FHIT: variants seen among roughly 807,000 people sequenced by gnomAD.
FHIT encodes the protein bis(5'-adenosyl)-triphosphatase.
FHIT carries 19 observed loss-of-function variants against 17.9 expected under a neutral mutation model. The ratio of observed to expected loss-of-function variants is 1.06; its 90% CI spans 0.74 to 1.56. The LOEUF is 1.56. Among genes scored for constraint, FHIT ranks in the 40% most tolerant of loss-of-function variants. The pLI is 0.00. For synonymous variants in FHIT, 81 were observed against 69.7 expected (o/e 1.16, Z -0.81); for missense variants, 248 against 189.2 (o/e 1.31, Z -1.82).
chr3:61,015,235 G>C (rs926401601), intron 3 of FHIT, among the ~76,000 whole-genome samples: 1 of 151,762 alleles, frequency 6.6e-6, no homozygotes, highest in African/African-American at 2.4e-5. Context: ...GACTACTCGG[G>C]AAAAAAAATT....
intron 1 of FHIT, among the ~76,000 whole-genome samples, chr3:61,235,409 G>A (rs928784103): frequency 3.3e-5 from 5 of 151,918 alleles, no homozygotes; most frequent in African/African-American, 4.8e-5. Flanking sequence ...TTCAGTGCCT[G>A]GCCATAGTAA....
chr3:60,608,011 A>G (rs573617574), intron 4 of FHIT, among the ~76,000 whole-genome samples: 1 of 152,198 alleles, frequency 6.6e-6, no homozygotes, highest in South Asian at 2.1e-4. Flanking sequence ...TCTCTCAATG[A>G]GTGAGGATTA....
chr3:60,152,646 A>G (rs1397992437), intron 5 of FHIT, among the ~76,000 whole-genome samples: 1 of 152,194 alleles, frequency 6.6e-6, no homozygotes, highest in East Asian at 1.9e-4. Context: ...TTTGAAAAGT[A>G]CACAAAGACA....
At chr3:59,931,520 C>A (rs1705970868) in intron 7 of FHIT, among the ~76,000 whole-genome samples, 1 of 152,182 alleles carries the variant, frequency 6.6e-6, no homozygotes, top group Admixed American at 6.5e-5. Context: ...GTTTCTGATG[C>A]TACTGTCAAT....
chr3:60,255,005 C>T (rs147138226), intron 5 of FHIT, among the ~76,000 whole-genome samples: 10 of 152,150 alleles, frequency 6.6e-5, no homozygotes, highest in African/African-American at 2.4e-4. Context: ...AAGAATGAAA[C>T]AGATTTTTTT....
chr3:60,671,777 T>A (rs1352432201), intron 4 of FHIT, among the ~76,000 whole-genome samples: 12 of 139,334 alleles, frequency 8.6e-5, no homozygotes, highest in East Asian at 2.1e-4. Context: ...CCATCTCTAC[T>A]AAAAAAAAAA....
chr3:60,352,869 T>C (rs1161950292), intron 5 of FHIT, among the ~76,000 whole-genome samples: 1 of 152,060 alleles, frequency 6.6e-6, no homozygotes, highest in African/African-American at 2.4e-5. Context: ...TGCCAGGAAA[T>C]AGGGGAGCTC....
At chr3:60,401,175 T>C (rs902062202) in intron 5 of FHIT, among the ~76,000 whole-genome samples, 6 of 152,200 alleles carry the variant, frequency 3.9e-5, no homozygotes, top group Non-Finnish European at 7.3e-5. Context: ...CTTGTAGTGA[T>C]TGCTCAGAAG....
intron 5 of FHIT, among the ~76,000 whole-genome samples, chr3:60,278,235 G>A (rs191223126): frequency 1.3e-5 from 2 of 152,100 alleles, no homozygotes; most frequent in East Asian, 3.9e-4. Flanking sequence ...GGGGAAGTCT[G>A]GAGAAAAATC....
chr3:60,421,858 G>A (rs912989428), intron 5 of FHIT, among the ~76,000 whole-genome samples: 5 of 152,136 alleles, frequency 3.3e-5, no homozygotes, highest in African/African-American at 1.2e-4. Flanking sequence ...TATGTGATGA[G>A]TATGGAAAAT....
chr3:60,873,132 G>GGAGAGGGA (rs1195200853), intron 3 of FHIT, among the ~76,000 whole-genome samples: 3 of 139,914 alleles, frequency 2.1e-5, no homozygotes, highest in East Asian at 2.0e-4. Context: ...AGGGAGAGAG[G>GGAGAGGGA]GAGAGGGAGA....
At chr3:60,112,368 G>T (rs1704713191) in intron 5 of FHIT, among the ~76,000 whole-genome samples, 1 of 152,154 alleles carries the variant, frequency 6.6e-6, no homozygotes, top group Non-Finnish European at 1.5e-5. Context: ...ACTAATGCAA[G>T]AAACCATAGA....
At position 59,830,789 on chromosome 3, in the gene FHIT, C is replaced by T. The variant is rs77051749; in HGVS notation, c.349-78468G>A. 2.5e-3 allele frequency among the ~76,000 whole-genome samples: 375 copies of T among 152,326 alleles called. 1 individual carries two copies. Among genetic ancestry groups the T allele is most frequent in the African/African-American group, 8.5e-3 (355 of 41,574 alleles). The stretch of plus-strand genomic sequence containing the variant: ...TAGCACTGGCCCTCAAAAAGACTTA[C>T]AGTTAAGCACTCCAGGAGGCTGCAA... On this transcript the variant is annotated intron_variant, in intron 8 of 9. Coordinates refer to ENST00000492590, the MANE Select transcript of FHIT (RefSeq NM_002012.4).
intron 4 of FHIT, among the ~76,000 whole-genome samples, chr3:60,599,036 G>A (rs1179724213): frequency 6.6e-6 from 1 of 152,092 alleles, no homozygotes; most frequent in Non-Finnish European, 1.5e-5. Flanking sequence ...ATGTATTAAT[G>A]TGCAGTGTTC....
intron 3 of FHIT, among the ~76,000 whole-genome samples, chr3:60,852,197 C>T (rs1396896144): frequency 6.6e-6 from 1 of 152,122 alleles, no homozygotes; most frequent in Non-Finnish European, 1.5e-5. Context: ...TCAGCTGGGA[C>T]ACTGATTGTG....
At chr3:61,239,260 C>T (rs2040308824) in intron 1 of FHIT, among the ~76,000 whole-genome samples, 1 of 152,198 alleles carries the variant, frequency 6.6e-6, no homozygotes, top group African/African-American at 2.4e-5. Context: ...GACTTCAAGG[C>T]CCTGTATGGC....
intron 5 of FHIT, among the ~76,000 whole-genome samples, chr3:60,486,294 A>T (rs2033837111): frequency 6.6e-6 from 1 of 152,210 alleles, no homozygotes; most frequent in South Asian, 2.1e-4. Context: ...AGAGGAAGAG[A>T]AAGATCAAGC....
chr3:59,928,437 C>G (rs1283887399), intron 7 of FHIT, among the ~76,000 whole-genome samples: 1 of 152,038 alleles, frequency 6.6e-6, no homozygotes, highest in African/African-American at 2.4e-5. Flanking sequence ...AGGCCACAAG[C>G]AAGAATGTGA....
At chr3:60,874,089 G>A (rs1382315674) in intron 3 of FHIT, among the ~76,000 whole-genome samples, 1 of 152,122 alleles carries the variant, frequency 6.6e-6, no homozygotes, top group Non-Finnish European at 1.5e-5. Flanking sequence ...CCCTACTTAT[G>A]AGTTGTGTAA....
Sources: gnomAD v4.1 joint callset for allele counts (sites outside exome capture counted in the v4.1 genomes callset) on GRCh38, gnomAD v4.1.1 for gene constraint, MANE v1.5 for transcripts, NCBI Gene and HGNC (gene_info 2026-07-23, HGNC 2026-07-21) for gene names.